The following RFX4 variants were observed in gnomAD, a reference collection of about 807,000 sequenced individuals.
RFX4 encodes regulatory factor X4.
RFX4 carries 10 observed loss-of-function variants against 95.0 expected under a neutral mutation model. That is an observed-to-expected ratio of 0.11 (90% CI 0.06 to 0.18). The LOEUF (loss-of-function observed/expected upper bound fraction) is 0.18. Among genes scored for constraint, RFX4 ranks in the 10% least tolerant of loss-of-function variants. RFX4 has a pLI of 1.00. For missense variants in RFX4, 640 were observed against 922.0 expected, an observed-to-expected ratio of 0.69 and a Z score of 3.96; for synonymous variants, 321 against 340.7, an observed-to-expected ratio of 0.94 and a Z score of 0.64.
At chr12:106,752,959 A>G (rs1001077202) in intron 17 of RFX4, among the ~76,000 whole-genome samples, 1 of 152,052 alleles carries the variant, frequency 6.6e-6, no homozygotes, top group Admixed American at 6.6e-5. Context: ...GTCTCAGCTC[A>G]GGCCTTTATC....
At chr12:106,647,050 A>C (rs1050636159) in intron 3 of RFX4, among the ~76,000 whole-genome samples, 5 of 152,198 alleles carry the variant, frequency 3.3e-5, no homozygotes, top group Non-Finnish European at 5.9e-5. Flanking sequence ...GTATGAGCCA[A>C]AGCCCACTGT....
intron 2 of RFX4, among the ~76,000 whole-genome samples, chr12:106,621,848 C>T (rs1052504554): frequency 3.3e-5 from 5 of 152,156 alleles, no homozygotes; most frequent in African/African-American, 1.2e-4. Flanking sequence ...CGGGAAAACG[C>T]CAAGGTGGCT....
At chr12:106,742,005 C>T (rs560606675) in intron 15 of RFX4, among the ~76,000 whole-genome samples, 25 of 152,258 alleles carry the variant, frequency 1.6e-4, no homozygotes, top group Admixed American at 6.5e-4. Context: ...ACCTCTTGTG[C>T]GGCCCAGTTC....
intron 1 of RFX4, among the ~76,000 whole-genome samples, chr12:106,597,629 G>A (rs1219131867): frequency 6.6e-6 from 1 of 152,250 alleles, no homozygotes; most frequent in East Asian, 1.9e-4. Context: ...AGGTCACAGA[G>A]CAAAGAAGTC....
chr12:106,654,441 T>A (rs898276477), intron 4 of RFX4, 90 bp downstream of exon 4: 23 of 1,441,014 alleles, frequency 1.6e-5, no homozygotes, highest in Admixed American at 2.7e-5. Flanking sequence ...TTATTTTTTT[T>A]AAGTTATCAA....
chr12:106,680,322 C>T (rs909962527), intron 4 of RFX4, among the ~76,000 whole-genome samples: 1 of 152,154 alleles, frequency 6.6e-6, no homozygotes, highest in African/African-American at 2.4e-5. Flanking sequence ...TTGTGCACTT[C>T]TGTCCATCCC....
chr12:106,687,549 CAAAA>C (rs34562413), intron 6 of RFX4, among the ~76,000 whole-genome samples: 4 of 73,892 alleles, frequency 5.4e-5, no homozygotes, highest in Admixed American at 3.2e-4. Context: ...AACTCCATCT[CAAAA>C]AAAAAAAAAA....
chr12:106,726,152 G>A (rs2042491529), intron 13 of RFX4, among the ~76,000 whole-genome samples: 1 of 151,696 alleles, frequency 6.6e-6, no homozygotes, highest in Non-Finnish European at 1.5e-5. Context: ...GGAGGCTGAG[G>A]CAGGAGAATT....
At chr12:106,701,596 T>C (rs532215991) in intron 8 of RFX4, among the ~76,000 whole-genome samples, 2 of 152,352 alleles carry the variant, frequency 1.3e-5, no homozygotes, top group Admixed American at 6.5e-5. Context: ...GATGGAGTAA[T>C]TTTTACTGAC....
At chr12:106,701,872 C>G (rs1565986014) in intron 8 of RFX4, among the ~76,000 whole-genome samples, 1 of 152,118 alleles carries the variant, frequency 6.6e-6, no homozygotes, top group Non-Finnish European at 1.5e-5. Context: ...AAAAAATTAG[C>G]TGGGTATAGT....
intron 1 of RFX4, among the ~76,000 whole-genome samples, chr12:106,606,927 G>A (rs750291553): frequency 2.6e-4 from 40 of 152,106 alleles, no homozygotes; most frequent in South Asian, 8.3e-4. Context: ...TCTTTTCCTC[G>A]GCTCTTTGAA....
At chr12:106,657,517 T>C (rs931614394) in intron 4 of RFX4, among the ~76,000 whole-genome samples, 1 of 152,196 alleles carries the variant, frequency 6.6e-6, no homozygotes, top group Non-Finnish European at 1.5e-5. Context: ...TAATGCTGTA[T>C]TGACTTTGGG....
At chr12:106,618,656 T>C (rs2040122352) in intron 2 of RFX4, among the ~76,000 whole-genome samples, 1 of 152,134 alleles carries the variant, frequency 6.6e-6, no homozygotes, top group South Asian at 2.1e-4. Flanking sequence ...ACATTTAGTT[T>C]AGTAAAGTTT....
At chr12:106,584,521 C>T (rs1346835034) in intron 1 of RFX4, among the ~76,000 whole-genome samples, 1 of 152,164 alleles carries the variant, frequency 6.6e-6, no homozygotes, top group Non-Finnish European at 1.5e-5. Context: ...CTTCCAGCCC[C>T]GGCCGTCCCC....
intron 1 of RFX4, among the ~76,000 whole-genome samples, chr12:106,591,161 A>AGAG (rs895019330): frequency 6.6e-6 from 1 of 150,692 alleles, no homozygotes; most frequent in African/African-American, 2.4e-5. Context: ...TTCATTAGGG[A>AGAG]GAGGGTGGCA....
intron 8 of RFX4, among the ~76,000 whole-genome samples, chr12:106,700,553 C>T (rs2041968017): frequency 6.6e-6 from 1 of 150,852 alleles, no homozygotes; most frequent in African/African-American, 2.4e-5. Flanking sequence ...ACTACAGGCG[C>T]CAGCTACCAC....
At chr12:106,623,480 G>T (rs2040226858) in intron 2 of RFX4, among the ~76,000 whole-genome samples, 1 of 152,186 alleles carries the variant, frequency 6.6e-6, no homozygotes, top group Non-Finnish European at 1.5e-5. Flanking sequence ...GATCTGGAGT[G>T]TCAATATTTG....
chr12:106,657,274 C>T (rs1404780129), intron 4 of RFX4, among the ~76,000 whole-genome samples: 1 of 152,186 alleles, frequency 6.6e-6, no homozygotes, highest in African/African-American at 2.4e-5. Context: ...AATATTTCAG[C>T]TTAGCTTTTG....
intron 15 of RFX4, among the ~76,000 whole-genome samples, chr12:106,743,112 T>C (rs1785771599): frequency 6.6e-6 from 1 of 152,138 alleles, no homozygotes; most frequent in South Asian, 2.1e-4. Flanking sequence ...GGGATCTTTA[T>C]AGGATTCTCA....
Sources: allele counts gnomAD v4.1 joint callset (sites outside exome capture counted in the v4.1 genomes callset), GRCh38; gene constraint gnomAD v4.1.1; transcripts MANE v1.5; gene names NCBI Gene and HGNC (gene_info 2026-07-23, HGNC 2026-07-21).